The following LIG1 variants were observed in gnomAD, a reference collection of about 807,000 sequenced individuals.
LIG1 encodes DNA ligase 1, also known as ligase I, DNA, ATP-dependent.
A neutral mutation model predicts 115.7 loss-of-function variants in LIG1; 70 were observed. The ratio of observed to expected loss-of-function variants is 0.60; its 90% CI spans 0.50 to 0.74. The LOEUF is 0.74. LIG1 is among the 30% of genes least tolerant of loss of function. The probability of loss-of-function intolerance (pLI) is 0.00; values close to 1 mark genes in which losing one functional copy is unlikely to be tolerated. For synonymous variants in LIG1, 487 were observed against 495.3 expected (o/e 0.98, Z 0.22); for missense variants, 1,115 against 1,225.6 (o/e 0.91, Z 1.35).
intron 1 of LIG1, chr19:48,169,790 GC>G (rs1375290420): frequency 1.2e-5 from 1 of 84,018 alleles, no homozygotes; most frequent in African/African-American, 5.0e-5. Context: ...AGGTGGCCCC[GC>G]CCACACGCAA....
intron 1 of LIG1, among the ~76,000 whole-genome samples, chr19:48,165,944 T>C (rs1320692158): frequency 6.6e-6 from 1 of 152,182 alleles, no homozygotes. Flanking sequence ...AAAAATTGTT[T>C]TAAGGTGATG....
intron 2 of LIG1, among the ~76,000 whole-genome samples, chr19:48,164,849 T>A (rs1456227776): frequency 6.6e-6 from 1 of 152,198 alleles, no homozygotes; most frequent in Non-Finnish European, 1.5e-5. Flanking sequence ...GCCTGATGGT[T>A]CTGTGTTGTT....
intron 11 of LIG1, among the ~76,000 whole-genome samples, chr19:48,140,857 A>C (rs1045723392): frequency 1.3e-5 from 2 of 152,120 alleles, no homozygotes; most frequent in Non-Finnish European, 2.9e-5. Context: ...TTATCTTTAA[A>C]AACTCTGCTC....
chr19:48,150,639 CTTAA>C (rs765114606), intron 7 of LIG1, among the ~76,000 whole-genome samples: 55 of 152,210 alleles, frequency 3.6e-4, no homozygotes, highest in Non-Finnish European at 7.1e-4. Flanking sequence ...GGTTGTCTAA[CTTAA>C]TTAATAACAT....
intron 1 of LIG1, chr19:48,165,878 G>T: frequency 2.1e-6 from 1 of 471,522 alleles, no homozygotes; most frequent in Non-Finnish European, 3.8e-6. Flanking sequence ...TCTAATATGA[G>T]GAATAGACTG....
intron 1 of LIG1, among the ~76,000 whole-genome samples, chr19:48,169,016 G>A (rs759618239): frequency 3.9e-5 from 6 of 152,162 alleles, no homozygotes; most frequent in Non-Finnish European, 5.9e-5. Flanking sequence ...AAGTAAGGAT[G>A]AAACAGTACT....
intron 23 of LIG1, among the ~76,000 whole-genome samples, 188 bp from the exon 24 acceptor site, chr19:48,121,510 G>A (rs1048719950): frequency 6.6e-6 from 1 of 152,144 alleles, no homozygotes; most frequent in Non-Finnish European, 1.5e-5. Flanking sequence ...GTTTAAATAA[G>A]AACAAATGGG....
At chr19:48,144,442 G>A (rs1464010618) in intron 9 of LIG1, among the ~76,000 whole-genome samples, 2 of 152,180 alleles carry the variant, frequency 1.3e-5, no homozygotes, top group African/African-American at 2.4e-5. Context: ...CCCGGGTGTC[G>A]CAAAGTGCCA....
rs1490772183 is a variant in LIG1 at position 48,133,090 on chromosome 19, G to C, written c.1617C>G (p.Pro539=). ...PEHCKLSPGI[P]LKPMLAHPTR... is the part of the protein sequence containing the mutation. ...TGGGATGGGCCAACATTGGTTTCAG[G>C]GGAATCCCTGGGAAAGGAGGAGAGT... Residue 539 remains proline (P), a synonymous_variant, in exon 18 of 28, where the codon CCC becomes CCG. Transcript: ENST00000263274. The C allele has an allele frequency of 6.2e-7, 1 of 1,604,994 alleles. No individual in the cohort carries two copies. Among genetic ancestry groups the C allele is most frequent in the South Asian group, 1.1e-5 (1 of 90,920 alleles).
intron 15 of LIG1, 119 bp downstream of exon 15, chr19:48,135,915 G>A (rs1026716417): frequency 3.6e-5 from 29 of 806,410 alleles, no homozygotes; most frequent in Non-Finnish European, 5.1e-5. Context: ...ACCCAGGAGA[G>A]AGGAGCCTGG....
chr19:48,140,113 C>G lies in LIG1; in HGVS notation c.945G>C (p.Leu315Phe), dbSNP rs756430512. 3.7e-6 allele frequency: 6 copies of G among 1,608,086 alleles called. No homozygotes were observed. Among genetic ancestry groups the G allele is most frequent in the East Asian group, 4.5e-5 (2 of 44,558 alleles). The change falls in exon 12 of 28, where the codon TTG (leucine) becomes TTC (phenylalanine). Residue 315 changes from leucine to phenylalanine, a missense_variant. Leu to Phe is a conservative substitution (Grantham distance 22). Transcript: ENST00000263274. ...RLRMVETLSN[L>F]LRSVVALSPP... is the part of the protein sequence containing the mutation. The stretch of plus-strand genomic sequence containing the variant: ...GCGACAGGGCCACCACGGAGCGCAG[C>G]AAGTTGCTCAGCGTCTCCACCATCC...
chr19:48,155,935 G>A (rs1323889247), intron 5 of LIG1, among the ~76,000 whole-genome samples: 2 of 152,184 alleles, frequency 1.3e-5, no homozygotes, highest in African/African-American at 4.8e-5. Flanking sequence ...GATCTAACAT[G>A]AAAGATTCAG....
At chr19:48,121,776 G>C in intron 23 of LIG1, among the ~76,000 whole-genome samples, 1 of 152,154 alleles carries the variant, frequency 6.6e-6, no homozygotes, top group Non-Finnish European at 1.5e-5. Flanking sequence ...ACTCCAGCCT[G>C]GGCAATGAGA....
At chr19:48,157,525 C>A (rs1214007147) in intron 4 of LIG1, among the ~76,000 whole-genome samples, 2 of 152,016 alleles carry the variant, frequency 1.3e-5, no homozygotes, top group Non-Finnish European at 2.9e-5. Flanking sequence ...ATGATGTACA[C>A]CTCTTCGTAT....
chr19:48,147,138 G>A (rs1376299456), intron 9 of LIG1: 1 of 152,182 alleles, frequency 6.6e-6, no homozygotes, highest in South Asian at 2.1e-4. Flanking sequence ...GTCGTTATCT[G>A]TTTCATTTGT....
intron 7 of LIG1, 117 bp downstream of exon 7, chr19:48,151,115 G>A (rs1398260442): frequency 6.1e-6 from 4 of 657,628 alleles, no homozygotes; most frequent in Admixed American, 2.4e-5. Context: ...TTCTAGATTC[G>A]GCATTTAAGC....
chr19:48,139,964 C>T lies in LIG1; in HGVS notation c.1087+7G>A. 6.2e-7 allele frequency: 1 copy of T among 1,614,104 alleles called. No individual in the cohort carries two copies. The highest frequency in any genetic ancestry group is 8.5e-7 in the Non-Finnish European group (1 of 1,179,984). ...CTTCTGGTCCCTCCAACCACAGTCCCCCTTACCTGTGGCCTGGGCCACTGC... is the reference window on the plus strand; with the variant it reads ...CTTCTGGTCCCTCCAACCACAGTCCTCCTTACCTGTGGCCTGGGCCACTGC... On this transcript the variant is annotated splice_region_variant and intron_variant, in intron 12 of 27. Transcript: ENST00000263274.
chr19:48,151,169 C>G (rs556124904), intron 7 of LIG1, 63 bp downstream of exon 7: 1 of 973,414 alleles, frequency 1.0e-6, no homozygotes, highest in African/African-American at 1.6e-5. Context: ...AATCATCCTC[C>G]AAAGACTTCT....
intron 1 of LIG1, among the ~76,000 whole-genome samples, chr19:48,167,626 A>G (rs1481300607): frequency 6.6e-6 from 1 of 152,038 alleles, no homozygotes; most frequent in African/African-American, 2.4e-5. Flanking sequence ...GGAGTTCAAG[A>G]CCAGCCTGGC....
Sources: gnomAD v4.1 joint callset for allele counts (sites outside exome capture counted in the v4.1 genomes callset) on GRCh38, gnomAD v4.1.1 for gene constraint, MANE v1.5 for transcripts, NCBI Gene and HGNC (gene_info 2026-07-23, HGNC 2026-07-21) for gene names.